Variants in SPTSSB observed in about 807,000 individuals in gnomAD.
The protein encoded by SPTSSB is serine palmitoyltransferase small subunit B.
In SPTSSB, 6 loss-of-function variants were observed where a neutral mutation model predicts 7.7. The observed-to-expected ratio is 0.78, with a 90% confidence interval of 0.43 to 1.54. The LOEUF is 1.54. Among genes scored for constraint, SPTSSB ranks in the 40% most tolerant of loss-of-function variants. SPTSSB has a pLI of 0.01. For missense variants in SPTSSB, 91 were observed against 93.0 expected (o/e 0.98, Z 0.09); for synonymous variants, 28 against 29.7 (o/e 0.94, Z 0.19).
At chr3:161,347,565 T>A (rs779895008) in intron 2 of SPTSSB, among the ~76,000 whole-genome samples, 2 of 152,132 alleles carry the variant, frequency 1.3e-5, no homozygotes, top group Non-Finnish European at 2.9e-5. Context: ...CCCGAACTTG[T>A]TGTGGCTTTT....
chr3:161,369,328 C>CTTTA (rs1205523071), intron 1 of SPTSSB, among the ~76,000 whole-genome samples: 1 of 60,146 alleles, frequency 1.7e-5, no homozygotes, highest in Admixed American at 2.1e-4. Flanking sequence ...TTCTTTCTTT[C>CTTTA]TTTCTTTCTT....
chr3:161,356,702 G>GT (rs1714784257), intron 2 of SPTSSB, among the ~76,000 whole-genome samples: 1 of 152,162 alleles, frequency 6.6e-6, no homozygotes, highest in African/African-American at 2.4e-5. Flanking sequence ...TGAGGTCAGT[G>GT]TTTTTCTTAT....
chr3:161,361,850 C>T (rs1259317048), intron 1 of SPTSSB, among the ~76,000 whole-genome samples: 1 of 152,042 alleles, frequency 6.6e-6, no homozygotes, highest in African/African-American at 2.4e-5. Flanking sequence ...AGAATTCACC[C>T]CGAAGGAAGT....
intron 2 of SPTSSB, among the ~76,000 whole-genome samples, chr3:161,347,677 G>T (rs190266463): frequency 2.6e-5 from 4 of 151,198 alleles, no homozygotes; most frequent in Non-Finnish European, 4.4e-5. Context: ...TTTGAGACCC[G>T]CCTGGCCAAC....
At chr3:161,349,955 G>C (rs1331887578) in intron 2 of SPTSSB, among the ~76,000 whole-genome samples, 2 of 152,192 alleles carry the variant, frequency 1.3e-5, no homozygotes, top group African/African-American at 4.8e-5. Flanking sequence ...CTCTCAGATA[G>C]AGAGGGAGAA....
intron 2 of SPTSSB, among the ~76,000 whole-genome samples, chr3:161,356,011 T>G (rs1576898037): frequency 6.6e-6 from 1 of 152,214 alleles, no homozygotes; most frequent in South Asian, 2.1e-4. Flanking sequence ...ATCACATCGA[T>G]GTACCATACA....
intron 2 of SPTSSB, among the ~76,000 whole-genome samples, chr3:161,351,043 A>G (rs1186387748): frequency 6.6e-6 from 1 of 152,146 alleles, no homozygotes; most frequent in Non-Finnish European, 1.5e-5. Context: ...AAGGTCATCA[A>G]AAACAAGCAA....
intron 1 of SPTSSB, among the ~76,000 whole-genome samples, chr3:161,367,066 A>G (rs1169426285): frequency 2.0e-5 from 3 of 152,208 alleles, no homozygotes; most frequent in Admixed American, 2.0e-4. Flanking sequence ...AATCCCAGCT[A>G]CTGGGGAGGC....
chr3:161,352,844 C>A (rs1041767232), intron 2 of SPTSSB, among the ~76,000 whole-genome samples: 22 of 152,036 alleles, frequency 1.4e-4, no homozygotes, highest in African/African-American at 4.3e-4. Context: ...TTTTTACTTT[C>A]TTATAATGTT....
chr3:161,355,015 G>A (rs983506025), intron 2 of SPTSSB, among the ~76,000 whole-genome samples: 5 of 152,180 alleles, frequency 3.3e-5, no homozygotes, highest in African/African-American at 1.2e-4. Context: ...ATTAGGAGTA[G>A]GAAGAGAAAT....
At chr3:161,347,446 G>A (rs1576893252) in intron 2 of SPTSSB, among the ~76,000 whole-genome samples, 2 of 151,940 alleles carry the variant, frequency 1.3e-5, no homozygotes, top group East Asian at 4.0e-4. Flanking sequence ...ATTTTTAGTA[G>A]AGATGGGGTT....
chr3:161,358,964 GGGGAAGGATT>G (rs1270457326), intron 2 of SPTSSB, among the ~76,000 whole-genome samples: 2 of 152,168 alleles, frequency 1.3e-5, no homozygotes, highest in Non-Finnish European at 2.9e-5. Flanking sequence ...TGTAGCAAAA[GGGGAAGGATT>G]GGGAAGCAAT....
chr3:161,351,015 G>A (rs1714512763), intron 2 of SPTSSB, among the ~76,000 whole-genome samples: 1 of 152,084 alleles, frequency 6.6e-6, no homozygotes, highest in Admixed American at 6.6e-5. Flanking sequence ...TACCTGACCA[G>A]TACTCCCCAA....
chr3:161,369,094 CTTGA>C (rs1015492463), intron 1 of SPTSSB, among the ~76,000 whole-genome samples: 20 of 152,024 alleles, frequency 1.3e-4, no homozygotes, highest in African/African-American at 4.6e-4. Flanking sequence ...AGTGGAATTG[CTTGA>C]TTATGTGGTA....
At position 161,345,350 on chromosome 3, in the gene SPTSSB, G is replaced by C. The variant is rs945289925; in HGVS notation, c.*743C>G. 1 of 152,410 alleles carries C rather than the reference G, an allele frequency of 6.6e-6. No individual in the cohort carries two copies. The highest frequency in any genetic ancestry group is 1.5e-5 in the Non-Finnish European group (1 of 67,986). 9.4% of individuals were successfully genotyped at this position (152,410 alleles called of 1,614,324 possible). ...CTCTTTTTCCCCCAGCATCATGCAA[G>C]GCAAGGCAACACCACAAATACAATA... On this transcript the variant is annotated 3_prime_UTR_variant, in exon 3 of 3. Transcript: ENST00000620149.
chr3:161,365,562 A>G (rs893656065), intron 1 of SPTSSB, among the ~76,000 whole-genome samples: 3 of 152,206 alleles, frequency 2.0e-5, no homozygotes, highest in African/African-American at 7.2e-5. Context: ...TCTTTGAAAT[A>G]AGGTCCTCTT....
chr3:161,356,693 G>A (rs775582695), intron 2 of SPTSSB, among the ~76,000 whole-genome samples: 1 of 152,164 alleles, frequency 6.6e-6, no homozygotes, highest in Non-Finnish European at 1.5e-5. Flanking sequence ...CTGTGGTGAT[G>A]AGGTCAGTGT....
chr3:161,368,787 C>T (rs543624727), intron 1 of SPTSSB, among the ~76,000 whole-genome samples: 1 of 152,196 alleles, frequency 6.6e-6, no homozygotes, highest in African/African-American at 2.4e-5. Context: ...TATAGATTTG[C>T]CTATTGTGGA....
At chr3:161,346,840 G>A (rs187443789) in intron 2 of SPTSSB, among the ~76,000 whole-genome samples, 29 of 152,314 alleles carry the variant, frequency 1.9e-4, no homozygotes, top group African/African-American at 7.0e-4. Context: ...AAAGGTTGGA[G>A]GTGGGAAGAA....
Sources: allele counts gnomAD v4.1 joint callset (sites outside exome capture counted in the v4.1 genomes callset), GRCh38; gene constraint gnomAD v4.1.1; transcripts MANE v1.5; gene names NCBI Gene and HGNC (gene_info 2026-07-23, HGNC 2026-07-21).